GXYLT1: variants seen among roughly 807,000 people sequenced by gnomAD.
The protein encoded by GXYLT1 is glucoside xylosyltransferase 1, also known as glycosyltransferase 8 domain containing 3.
A neutral mutation model predicts 54.0 loss-of-function variants in GXYLT1; 29 were observed. The observed-to-expected ratio is 0.54, with a 90% CI of 0.40 to 0.73. GXYLT1 has a LOEUF of 0.73. Among genes scored for constraint, GXYLT1 ranks in the 30% least tolerant of loss-of-function variants. The pLI, the probability that GXYLT1 is intolerant of heterozygous loss-of-function variation, is 0.00. For synonymous variants in GXYLT1, 176 were observed against 204.1 expected, an observed-to-expected ratio of 0.86 and a Z score of 1.17; for missense variants, 490 against 553.4, an observed-to-expected ratio of 0.89 and a Z score of 1.15.
intron 3 of GXYLT1, among the ~76,000 whole-genome samples, chr12:42,113,036 T>A (rs2065468765): frequency 6.6e-6 from 1 of 151,066 alleles, no homozygotes; most frequent in Non-Finnish European, 1.5e-5. Context: ...AAACTAAGCT[T>A]CATAACTGAA....
At chr12:42,136,112 TC>T (rs544177103) in intron 1 of GXYLT1, among the ~76,000 whole-genome samples, 169 of 152,304 alleles carry the variant, frequency 1.1e-3, no homozygotes, top group Non-Finnish European at 2.2e-3. Flanking sequence ...ATATCTATTC[TC>T]CCATTTTGAA....
At chr12:42,117,159 A>G (rs1279761001) in intron 3 of GXYLT1, among the ~76,000 whole-genome samples, 1 of 151,882 alleles carries the variant, frequency 6.6e-6, no homozygotes, top group Non-Finnish European at 1.5e-5. Flanking sequence ...GGATAGCATT[A>G]GGAGACATAC....
intron 7 of GXYLT1, among the ~76,000 whole-genome samples, chr12:42,093,917 C>A (rs2065341883): frequency 6.6e-6 from 1 of 152,082 alleles, no homozygotes; most frequent in South Asian, 2.1e-4. Context: ...CTATTCCTCA[C>A]CCAATACAAA....
Position 42,119,527 on chromosome 12 carries a change from A to G in GXYLT1, c.315-356T>C, listed in dbSNP as rs1303809199. ...AAACTGAAGTTCAAAATTTTTATTTATAAAACAAACTAGGCCAAGTCTGTA... is the reference window on the plus strand; with the variant it reads ...AAACTGAAGTTCAAAATTTTTATTTGTAAAACAAACTAGGCCAAGTCTGTA... On this transcript the variant is annotated intron_variant, in intron 2 of 7. Coordinates refer to ENST00000398675, the MANE Select transcript of GXYLT1 (RefSeq NM_173601.2). 2.6e-5 allele frequency among the ~76,000 whole-genome samples: 4 copies of G among 152,148 alleles called. No individual in the cohort carries two copies. In the South Asian group the frequency reaches 6.2e-4, roughly 24 times the overall value.
At chr12:42,138,135 C>T (rs2065631261) in intron 1 of GXYLT1, among the ~76,000 whole-genome samples, 1 of 152,076 alleles carries the variant, frequency 6.6e-6, no homozygotes, top group South Asian at 2.1e-4. Context: ...GGTGTGGTGG[C>T]ATGCGCCTGT....
chr12:42,116,635 C>T (rs1312013549), intron 3 of GXYLT1, among the ~76,000 whole-genome samples: 1 of 152,168 alleles, frequency 6.6e-6, no homozygotes, highest in Non-Finnish European at 1.5e-5. Flanking sequence ...ACAGCAGGTG[C>T]TGGAGAGGAT....
intron 4 of GXYLT1, among the ~76,000 whole-genome samples, 179 bp from the exon 5 acceptor site, chr12:42,106,248 T>A (rs2065420537): frequency 6.6e-6 from 1 of 152,218 alleles, no homozygotes; most frequent in Non-Finnish European, 1.5e-5. Flanking sequence ...GATACTATGC[T>A]AACCTTCATA....
intron 3 of GXYLT1, among the ~76,000 whole-genome samples, chr12:42,118,695 T>C (rs1315396364): frequency 6.6e-6 from 1 of 152,202 alleles, no homozygotes; most frequent in African/African-American, 2.4e-5. Context: ...CTTACTGTTC[T>C]TGTGATAACC....
rs751797367 is a variant in GXYLT1, at chr12:42,141,547, CA to C, written c.221+2878del. On this transcript the variant is annotated intron_variant, in intron 1 of 7. Transcript: ENST00000398675. ...CAGTAGATCTTTAGTGCTTTCACCA[CA>C]AAAAAAAAAACCCTATGTGAAGTGA... Among the ~76,000 whole-genome samples, 557 of 139,280 alleles carry C rather than the reference CA, an allele frequency of 4.0e-3. 2 individuals carry two copies. The highest frequency in any genetic ancestry group is 0.012 in the East Asian group (60 of 4,858). The allele number at this position is 139,280 out of a possible 152,430, so 91.4% of individuals were successfully genotyped here. A position where few individuals can be genotyped will look rare whatever the true frequency, so the allele number is the denominator to read the frequency against.
At chr12:42,133,344 T>C (rs1565580900) in intron 1 of GXYLT1, among the ~76,000 whole-genome samples, 2 of 152,200 alleles carry the variant, frequency 1.3e-5, no homozygotes, top group Admixed American at 6.5e-5. Context: ...AAGTGGGCTC[T>C]GTGATTGCTT....
intron 5 of GXYLT1, among the ~76,000 whole-genome samples, chr12:42,103,161 G>A (rs1185273275): frequency 2.0e-5 from 3 of 152,078 alleles, no homozygotes; most frequent in Non-Finnish European, 4.4e-5. Context: ...GTTTCACTGT[G>A]TTGGTCAGAC....
chr12:42,144,682 G>GCGCC lies in GXYLT1; in HGVS notation c.-40_-37dup. Reference sequence around the variant, plus strand: ...GCGCTCCTCCTTCGCCGCCGCCGCCGCGCCCGCCCCGACGAACTGGAGCGG... The same window carrying GCGCC: ...GCGCTCCTCCTTCGCCGCCGCCGCCGCGCCCGCCCGCCCCGACGAACTGGAGCGG... On this transcript the variant is annotated 5_prime_UTR_variant, in exon 1 of 8. Transcript: ENST00000398675. The GCGCC allele has an allele frequency of 7.3e-7, 1 of 1,371,648 alleles. No homozygotes were observed. The highest frequency in any genetic ancestry group is 3.2e-5 in the East Asian group (1 of 31,342). 85.0% of individuals were successfully genotyped at this position (1,371,648 alleles called of 1,614,324 possible). A position where few individuals can be genotyped will look rare whatever the true frequency, so the allele number is the denominator to read the frequency against.
At chr12:42,109,053 G>A (rs970832025) in intron 4 of GXYLT1, among the ~76,000 whole-genome samples, 1 of 152,080 alleles carries the variant, frequency 6.6e-6, no homozygotes, top group Admixed American at 6.5e-5. Context: ...CAGCCCCACT[G>A]AATAAATAGT....
intron 3 of GXYLT1, among the ~76,000 whole-genome samples, chr12:42,112,718 C>T (rs2065466362): frequency 6.6e-6 from 1 of 152,072 alleles, no homozygotes; most frequent in African/African-American, 2.4e-5. Flanking sequence ...AAACACTCTG[C>T]AGGATATTAT....
At chr12:42,128,368 CAT>C (rs2065575163) in intron 2 of GXYLT1, among the ~76,000 whole-genome samples, 3 of 152,116 alleles carry the variant, frequency 2.0e-5, no homozygotes, top group Non-Finnish European at 4.4e-5. Flanking sequence ...CCCATAAATA[CAT>C]AGAATTATTG....
At chr12:42,127,396 G>A (rs546534186) in intron 2 of GXYLT1, among the ~76,000 whole-genome samples, 2 of 152,170 alleles carry the variant, frequency 1.3e-5, no homozygotes, top group South Asian at 2.1e-4. Flanking sequence ...GCAATATTAC[G>A]GGTAGAAAGT....
In GXYLT1 at chr12:42,144,678, C is replaced by CTT; in HGVS notation, c.-33_-32insAA. The CTT allele has an allele frequency of 7.2e-7, 1 of 1,380,570 alleles. No homozygotes were observed. The highest frequency in any genetic ancestry group is 9.4e-7 in the Non-Finnish European group (1 of 1,058,232). 85.5% of individuals were successfully genotyped at this position (1,380,570 alleles called of 1,614,324 possible). A position where few individuals can be genotyped will look rare whatever the true frequency, so the allele number is the denominator to read the frequency against. On this transcript the variant is annotated 5_prime_UTR_variant, in exon 1 of 8. Coordinates refer to ENST00000398675, the MANE Select transcript of GXYLT1 (RefSeq NM_173601.2). ...GGCCGCGCTCCTCCTTCGCCGCCGC[C>CTT]GCCGCGCCCGCCCCGACGAACTGGA... is the stretch of plus-strand genomic sequence containing the variant.
At position 42,129,762 on chromosome 12, in the gene GXYLT1, A is replaced by G. The variant is rs2136915380; in HGVS notation, c.311T>C (p.Phe104Ser). Reference sequence around the variant, plus strand: ...CAATTAAATATTAAGTGCCTACCTAAAAGCCGCTTCCCAAAAGCAGTTCAT... The same window carrying G: ...CAATTAAATATTAAGTGCCTACCTAGAAGCCGCTTCCCAAAAGCAGTTCAT... ...CGMNCFWEAAFRYSLKIQPVE... is the reference protein window; with the variant it reads ...CGMNCFWEAASRYSLKIQPVE... The change falls in exon 2 of 8, where the codon TTT (phenylalanine) becomes TCT (serine). Residue 104 changes from phenylalanine to serine, a missense_variant. Transcript: ENST00000398675. 1 of 1,610,784 alleles carries G rather than the reference A, an allele frequency of 6.2e-7. No homozygotes were observed. Among genetic ancestry groups the G allele is most frequent in the East Asian group, 2.2e-5 (1 of 44,784 alleles).
intron 2 of GXYLT1, among the ~76,000 whole-genome samples, chr12:42,128,370 T>C (rs1278939952): frequency 2.0e-5 from 3 of 152,104 alleles, no homozygotes; most frequent in Admixed American, 6.5e-5. Flanking sequence ...CATAAATACA[T>C]AGAATTATTG....
Sources: allele counts gnomAD v4.1 joint callset (sites outside exome capture counted in the v4.1 genomes callset), GRCh38; gene constraint gnomAD v4.1.1; transcripts MANE v1.5; gene names NCBI Gene and HGNC (gene_info 2026-07-23, HGNC 2026-07-21).